Variants in FAM153A observed in about 807,000 individuals in gnomAD.
The protein encoded by FAM153A is protein FAM153A.
FAM153A carries 12 observed loss-of-function variants against 48.1 expected under a neutral mutation model. The ratio of observed to expected loss-of-function variants is 0.25; its 90% CI spans 0.16 to 0.40. The LOEUF is 0.40. Ranked by LOEUF, FAM153A falls within the 10% of genes least tolerant of loss-of-function variation. The pLI is 1.00. For missense variants in FAM153A, 111 were observed against 345.8 expected (o/e 0.32, Z 5.38); for synonymous variants, 36 against 118.2 (o/e 0.30, Z 4.51).
downstream of FAM153A, among the ~76,000 whole-genome samples, chr5:177,703,330 C>G (rs965659302): frequency 8.6e-5 from 13 of 151,810 alleles, no homozygotes; most frequent in South Asian, 2.1e-4. Context: ...GGCCTGTAGC[C>G]CCTTTGTTTT....
chr5:177,703,888 A>C (rs760184981), downstream of FAM153A, among the ~76,000 whole-genome samples: 15 of 5,032 alleles, frequency 3.0e-3, no homozygotes, highest in Non-Finnish European at 1.3e-3. Flanking sequence ...TGATTGGACC[A>C]TGGAGGCGGT....
At chr5:177,717,151 T>C (rs1238703138) in intron 24 of FAM153A, 1 of 142,888 alleles carries the variant, frequency 7.0e-6, no homozygotes, top group Non-Finnish European at 1.5e-5. Context: ...GGAATTCTAT[T>C]TCTATACTTA....
downstream of FAM153A, among the ~76,000 whole-genome samples, chr5:177,709,119 A>G (rs1263549040): frequency 3.6e-4 from 51 of 141,864 alleles, no homozygotes; most frequent in African/African-American, 1.4e-3. Context: ...AAAAAAAAAA[A>G]AAAAAAAAAA....
chr5:177,704,491 A>G (rs1193061777), downstream of FAM153A, among the ~76,000 whole-genome samples: 1 of 79,016 alleles, frequency 1.3e-5, no homozygotes, highest in African/African-American at 6.7e-5. Flanking sequence ...GAGGTCGGGC[A>G]TGGTGGGGGG....
At chr5:177,754,715 C>A (rs1341355829), upstream of FAM153A, among the ~76,000 whole-genome samples, 4 of 151,876 alleles carry the variant, frequency 2.6e-5, no homozygotes, top group South Asian at 8.3e-4. Flanking sequence ...TGCTGACACC[C>A]AGGCAAACAA....
the FAM153A span, among the ~76,000 whole-genome samples, chr5:177,700,622 T>C: frequency 1.0e-3 from 158 of 151,770 alleles, no homozygotes; most frequent in African/African-American, 3.5e-3. Flanking sequence ...GCCAACATGG[T>C]GAAATGCCGT....
At chr5:177,716,234 A>G (rs1759757014) in intron 25 of FAM153A, 1 of 151,296 alleles carries the variant, frequency 6.6e-6, no homozygotes, top group African/African-American at 2.4e-5. Context: ...CACCCACCCC[A>G]GCCTCCCAAA....
chr5:177,698,969 T>C, the FAM153A span, among the ~76,000 whole-genome samples: 2 of 151,890 alleles, frequency 1.3e-5, no homozygotes, highest in Admixed American at 1.3e-4. Context: ...TTTTTAAAAT[T>C]TAAACAATTT....
the FAM153A span, among the ~76,000 whole-genome samples, chr5:177,695,809 G>A: frequency 3.3e-5 from 5 of 151,638 alleles, no homozygotes; most frequent in South Asian, 4.2e-4. Context: ...TGGGGCGGCC[G>A]GGCAGAGGCA....
rs774084490 is a variant in FAM153A, at chr5:177,778,261, TAAAAA to T, written c.-57+2183_-57+2187del. Among the ~76,000 whole-genome samples the T allele has an allele frequency of 4.0e-4, 8 of 20,040 alleles. 1 individual carries two copies. The highest frequency in any genetic ancestry group is 1.5e-3 in the African/African-American group (5 of 3,348). The allele number at this position is 20,040 out of a possible 152,430, so 13.1% of individuals were successfully genotyped here. A position where few individuals can be genotyped will look rare whatever the true frequency, so the allele number is the denominator to read the frequency against. On this transcript the variant is annotated intron_variant, in intron 1 of 8. Coordinates refer to the FAM153A transcript ENST00000393518. Reference sequence around the variant, plus strand: ...ATGTACCCTAAAACTTAGAGTATAATAAAAAAAAAAAAAAAAAAAAAAAAGAAATA... The same window carrying T: ...ATGTACCCTAAAACTTAGAGTATAATAAAAAAAAAAAAAAAAAAAGAAATA...
At chr5:177,723,398 AAC>A (rs962998189) in exon 21 of FAM153A, 2 of 135,698 alleles carry the variant, frequency 1.5e-5, no homozygotes, top group Non-Finnish European at 3.2e-5. Flanking sequence ...ATATTTAAAA[AAC>A]AGAGGCTCGC....
intron 16 of FAM153A, among the ~76,000 whole-genome samples, chr5:177,729,862 A>C (rs1336227064): frequency 0.012 from 1,346 of 112,870 alleles, 3 homozygotes; most frequent in African/African-American, 0.042. Context: ...CCTTCCTAAT[A>C]TGACCTGAGC....
upstream of FAM153A, among the ~76,000 whole-genome samples, chr5:177,754,849 A>T (rs554562815): frequency 1.1e-4 from 17 of 152,010 alleles, 1 homozygote; most frequent in East Asian, 3.3e-3. Context: ...TGTCACCATC[A>T]TCAAAGACCA....
chr5:177,759,355 T>C (rs1021450971), intron 1 of FAM153A, among the ~76,000 whole-genome samples: 2 of 151,712 alleles, frequency 1.3e-5, no homozygotes, highest in Non-Finnish European at 2.9e-5. Context: ...TAGGAACACT[T>C]ACACTGTTGG....
chr5:177,726,908 A>ACTCAC (rs1275171947), intron 18 of FAM153A, among the ~76,000 whole-genome samples: 1 of 111,566 alleles, frequency 9.0e-6, no homozygotes, highest in Non-Finnish European at 1.8e-5. Flanking sequence ...CCTGGGCCAG[A>ACTCAC]CTCACAGCAG....
chr5:177,757,206 G>A (rs1340731000), upstream of FAM153A, among the ~76,000 whole-genome samples: 5 of 97,030 alleles, frequency 5.2e-5, no homozygotes, highest in African/African-American at 1.2e-4. Flanking sequence ...TATAAACACC[G>A]CTACACAAAT....
chr5:177,716,999 G>GTA (rs1453410630), intron 24 of FAM153A, among the ~76,000 whole-genome samples: 6 of 150,636 alleles, frequency 4.0e-5, no homozygotes, highest in African/African-American at 1.2e-4. Flanking sequence ...GTGTGTGTGT[G>GTA]TAGAGTCTGG....
the FAM153A span, among the ~76,000 whole-genome samples, chr5:177,701,191 C>T: frequency 2.9e-3 from 448 of 151,914 alleles, 8 homozygotes; most frequent in African/African-American, 0.01. Context: ...TTCTCGAGGC[C>T]TCCCCAGAAG....
chr5:177,714,262 C>T (rs1759138515), intron 25 of FAM153A: 1 of 151,014 alleles, frequency 6.6e-6, no homozygotes, highest in Non-Finnish European at 1.5e-5. Context: ...CCACTTCTAG[C>T]CACAAATTAG....
Sources: allele counts gnomAD v4.1 joint callset (sites outside exome capture counted in the v4.1 genomes callset), GRCh38; gene constraint gnomAD v4.1.1; transcripts MANE v1.5; gene names NCBI Gene and HGNC (gene_info 2026-07-23, HGNC 2026-07-21).